The following SLC3A2 variants were observed in gnomAD, a reference collection of about 807,000 sequenced individuals.
The protein encoded by SLC3A2 is amino acid transporter heavy chain SLC3A2.
Under a neutral mutation model 48.5 loss-of-function variants are expected in SLC3A2, and 32 were observed. The observed-to-expected ratio is 0.66, with a 90% CI of 0.50 to 0.89. The LOEUF is 0.89. Among genes scored for constraint, SLC3A2 ranks in the 40% least tolerant of loss-of-function variants. SLC3A2 has a pLI of 0.00. For synonymous variants in SLC3A2, 277 were observed against 288.8 expected, an observed-to-expected ratio of 0.96 and a Z score of 0.41; for missense variants, 587 against 680.7, an observed-to-expected ratio of 0.86 and a Z score of 1.53.
At chr11:62,871,387 C>T (rs895305646) in intron 1 of SLC3A2, among the ~76,000 whole-genome samples, 15 of 151,184 alleles carry the variant, frequency 9.9e-5, no homozygotes, top group African/African-American at 3.7e-4. Context: ...TTCAGGCACC[C>T]GCCACCATGC....
intron 7 of SLC3A2, 179 bp from the exon 8 acceptor site, chr11:62,887,956 C>G (rs1050830085): frequency 3.5e-6 from 2 of 570,886 alleles, no homozygotes; most frequent in Non-Finnish European, 6.3e-6. Flanking sequence ...CTACACCCAG[C>G]TAATTTTTAA....
intron 3 of SLC3A2, chr11:62,884,049 A>G (rs1326547218): frequency 4.3e-6 from 2 of 460,312 alleles, no homozygotes; most frequent in Non-Finnish European, 8.7e-6. Flanking sequence ...TCTGCTGCTC[A>G]CTGATTATGA....
chr11:62,868,630 G>A (rs1009603064), intron 1 of SLC3A2, among the ~76,000 whole-genome samples: 1 of 152,122 alleles, frequency 6.6e-6, no homozygotes, highest in Non-Finnish European at 1.5e-5. Context: ...CTCCCAAAGT[G>A]CTGGGATTAC....
upstream of SLC3A2, chr11:62,877,027 G>GT (rs1435272863): frequency 6.0e-6 from 4 of 666,348 alleles, no homozygotes; most frequent in South Asian, 6.6e-5. Context: ...TCACATGCTA[G>GT]TTTTTTTCAG....
At chr11:62,888,256 G>A in intron 8 of SLC3A2, 38 bp downstream of exon 8, 2 of 1,611,074 alleles carry the variant, frequency 1.2e-6, no homozygotes, top group Non-Finnish European at 1.7e-6. Flanking sequence ...ACCGGTGGAG[G>A]GTGGGCTGGG....
chr11:62,886,498 C>T (rs2085716411), intron 7 of SLC3A2: 1 of 151,924 alleles, frequency 6.6e-6, no homozygotes, highest in Non-Finnish European at 1.5e-5. Flanking sequence ...TCATTGCAGC[C>T]TCCGCCTCCC....
chr11:62,887,217 A>G (rs917474640), intron 7 of SLC3A2, among the ~76,000 whole-genome samples: 2 of 152,162 alleles, frequency 1.3e-5, no homozygotes, highest in African/African-American at 4.8e-5. Flanking sequence ...AAGGCGGGGT[A>G]AGGAGCCTAG....
chr11:62,871,148 C>T (rs1483907229), intron 1 of SLC3A2, among the ~76,000 whole-genome samples: 2 of 151,440 alleles, frequency 1.3e-5, no homozygotes, highest in East Asian at 3.9e-4. Context: ...TCCCAAAGTG[C>T]TGGGATTACA....
intron 7 of SLC3A2, 43 bp from the exon 8 acceptor site, chr11:62,888,092 T>C (rs781581151): frequency 2.6e-6 from 4 of 1,561,872 alleles, no homozygotes; most frequent in Non-Finnish European, 2.6e-6. Context: ...CCACCATGCC[T>C]GACCCCAGGC....
At chr11:62,879,073 T>C (rs1368645681), upstream of SLC3A2, among the ~76,000 whole-genome samples, 1 of 151,542 alleles carries the variant, frequency 6.6e-6, no homozygotes, top group Non-Finnish European at 1.5e-5. Flanking sequence ...ACACCTGGCC[T>C]GTTAGTTTTT....
At chr11:62,875,419 G>C (rs554214469) in intron 1 of SLC3A2, among the ~76,000 whole-genome samples, 105 of 152,166 alleles carry the variant, frequency 6.9e-4, no homozygotes, top group Non-Finnish European at 1.3e-3. Context: ...GCTGGGCGTG[G>C]TGGTGGGCAC....
chr11:62,877,027 G>C (rs2085577553), upstream of SLC3A2: 1 of 666,418 alleles, frequency 1.5e-6, no homozygotes, highest in African/African-American at 2.0e-5. Context: ...TCACATGCTA[G>C]TTTTTTTCAG....
chr11:62,884,390 G>T, intron 3 of SLC3A2, 67 bp from the exon 4 acceptor site: 1 of 1,567,484 alleles, frequency 6.4e-7, no homozygotes, highest in African/African-American at 1.3e-5. Context: ...GGTTTAGTGT[G>T]GGCTGGAATT....
rs375383691 is a variant in SLC3A2 at position 62,857,757 on chromosome 11, C to T, written c.112+1376C>T. 2.1e-4 allele frequency among the ~76,000 whole-genome samples: 31 copies of T among 149,158 alleles called. No homozygotes were observed. The East Asian group carries it at 2.4e-3, about 11-fold the overall frequency. On this transcript the variant is annotated intron_variant, in intron 1 of 9. Transcript: ENST00000377889. The stretch of plus-strand genomic sequence containing the variant: ...AGATAAACTGGAAAATCAAGATGGC[C>T]CAGAGTAGACAGACAAGGCTGGGGA...
At chr11:62,858,551 T>C (rs991619115) in intron 1 of SLC3A2, among the ~76,000 whole-genome samples, 29 of 151,848 alleles carry the variant, frequency 1.9e-4, no homozygotes, top group Admixed American at 1.3e-4. Context: ...CACCTGTGGA[T>C]GTTTCTCCTA....
chr11:62,861,910 CAAAAAAAAAA>C (rs1189861840), intron 1 of SLC3A2, among the ~76,000 whole-genome samples: 2 of 59,166 alleles, frequency 3.4e-5, no homozygotes, highest in Non-Finnish European at 7.2e-5. Flanking sequence ...AAACCTCTCT[CAAAAAAAAAA>C]AAAAAAAAAA....
chr11:62,884,336 G>A lies in SLC3A2; in HGVS notation c.691-121G>A, dbSNP rs115750608. 214 of 1,046,020 alleles carry A rather than the reference G, an allele frequency of 2.0e-4. No individual in the cohort carries two copies. In the African/African-American group the frequency reaches 3.2e-3, roughly 16 times the overall value. The allele number at this position is 1,046,020 out of a possible 1,614,324, so 64.8% of individuals were successfully genotyped here. A position where few individuals can be genotyped will look rare whatever the true frequency, so the allele number is the denominator to read the frequency against. On this transcript the variant is annotated intron_variant, in intron 3 of 8. Transcript: ENST00000338663. ...TGCAGGTGGGGAAGACCCAGGCAAG[G>A]CACAGGACTCTCCCCAGCTCCCGGG... is the stretch of plus-strand genomic sequence containing the variant.
chr11:62,887,532 G>A (rs1015336416), intron 7 of SLC3A2, among the ~76,000 whole-genome samples: 4 of 151,992 alleles, frequency 2.6e-5, no homozygotes, highest in East Asian at 1.9e-4. Flanking sequence ...GTGAAACCCC[G>A]TCTTTACTAA....
chr11:62,869,949 A>G (rs2085493898), intron 1 of SLC3A2, among the ~76,000 whole-genome samples: 1 of 150,486 alleles, frequency 6.6e-6, no homozygotes, highest in Admixed American at 6.7e-5. Flanking sequence ...CGCCCAGCTA[A>G]TTTTTGTATT....
Sources: allele counts gnomAD v4.1 joint callset (sites outside exome capture counted in the v4.1 genomes callset), GRCh38; gene constraint gnomAD v4.1.1; transcripts MANE v1.5; gene names NCBI Gene and HGNC (gene_info 2026-07-23, HGNC 2026-07-21).